The following TEX10 variants were observed in gnomAD, a reference collection of about 807,000 sequenced individuals.
TEX10 encodes testis expressed 10.
In TEX10, 24 loss-of-function variants were observed where a neutral mutation model predicts 104.4. The observed-to-expected ratio is 0.23, with a 90% CI of 0.17 to 0.32. The LOEUF (loss-of-function observed/expected upper bound fraction) is 0.32. Ranked by LOEUF, TEX10 falls within the 10% of genes least tolerant of loss-of-function variation. The pLI is 1.00. For missense variants in TEX10, 921 were observed against 1,083.9 expected (o/e 0.85, Z 2.11); for synonymous variants, 396 against 393.4 (o/e 1.01, Z -0.08).
Position 100,352,852 on chromosome 9 carries a change from C to T in TEX10, c.-90G>A, listed in dbSNP as rs1185452491. 1 of 1,010,560 alleles carries T rather than the reference C, an allele frequency of 9.9e-7. No individual in the cohort carries two copies. The highest frequency in any genetic ancestry group is 1.2e-6 in the Non-Finnish European group (1 of 847,838). 62.6% of individuals were successfully genotyped at this position (1,010,560 alleles called of 1,614,324 possible). On this transcript the variant is annotated 5_prime_UTR_variant, in exon 1 of 15. Transcript: ENST00000374902. ...GAAGCCCACGGGGCAACAGCGTGCG[C>T]CGCCGACCTCAGGCTCTAGCTCCCG...
At chr9:100,349,479 C>A in intron 1 of TEX10, 107 bp from the exon 2 acceptor site, 1 of 668,680 alleles carries the variant, frequency 1.5e-6, no homozygotes, top group Non-Finnish European at 2.2e-6. Flanking sequence ...CAATCGTAAT[C>A]AAGAATCTGA....
chr9:100,325,349 C>G (rs984135117), intron 9 of TEX10, among the ~76,000 whole-genome samples: 2 of 152,112 alleles, frequency 1.3e-5, no homozygotes, highest in Non-Finnish European at 2.9e-5. Context: ...AACATAAAAC[C>G]TTTCAGAGTT....
chr9:100,309,421 CTG>C (rs1834218172), intron 12 of TEX10, among the ~76,000 whole-genome samples: 1 of 152,112 alleles, frequency 6.6e-6, no homozygotes, highest in Admixed American at 6.5e-5. Context: ...CCTCCACAGG[CTG>C]TGTGAAAATA....
chr9:100,331,087 C>A (rs561391855), intron 5 of TEX10, among the ~76,000 whole-genome samples: 2 of 140,590 alleles, frequency 1.4e-5, no homozygotes, highest in South Asian at 2.5e-4. Context: ...TAAACTCTGT[C>A]TCTACTAAAT....
intron 1 of TEX10, among the ~76,000 whole-genome samples, chr9:100,351,062 G>T (rs921204586): frequency 1.3e-5 from 2 of 152,048 alleles, no homozygotes; most frequent in Non-Finnish European, 2.9e-5. Flanking sequence ...CTCAGGATCA[G>T]GACATACCAA....
At chr9:100,337,026 C>CAT (rs1835027851) in intron 5 of TEX10, among the ~76,000 whole-genome samples, 1 of 152,222 alleles carries the variant, frequency 6.6e-6, no homozygotes, top group African/African-American at 2.4e-5. Context: ...CACGCTGTCA[C>CAT]TTCCATCAGG....
At chr9:100,330,638 C>T (rs1448215491) in intron 5 of TEX10, among the ~76,000 whole-genome samples, 4 of 152,174 alleles carry the variant, frequency 2.6e-5, no homozygotes, top group Non-Finnish European at 5.9e-5. Flanking sequence ...CCGGTAAGCA[C>T]TGATTTGAAA....
intron 11 of TEX10, among the ~76,000 whole-genome samples, chr9:100,312,836 G>A (rs1242385545): frequency 6.6e-6 from 1 of 152,144 alleles, no homozygotes; most frequent in Non-Finnish European, 1.5e-5. Context: ...AGACCTATAA[G>A]TAAACACAGT....
intron 13 of TEX10, chr9:100,306,095 C>CA (rs1834136355): frequency 6.6e-6 from 1 of 152,022 alleles, no homozygotes; most frequent in Non-Finnish European, 1.5e-5. Context: ...AAAATAGAAA[C>CA]AAATCCAAAA....
chr9:100,324,950 T>C (rs916232847), intron 9 of TEX10, among the ~76,000 whole-genome samples: 1 of 152,216 alleles, frequency 6.6e-6, no homozygotes. Flanking sequence ...AACTAATCAA[T>C]ATTTAAAATT....
chr9:100,336,292 G>A (rs1039772344), intron 5 of TEX10, among the ~76,000 whole-genome samples: 23 of 152,174 alleles, frequency 1.5e-4, no homozygotes, highest in Non-Finnish European at 1.0e-4. Flanking sequence ...GCACCAGTCC[G>A]CGGCCTGTTA....
intron 10 of TEX10, among the ~76,000 whole-genome samples, chr9:100,321,359 A>T (rs1834567193): frequency 6.6e-6 from 1 of 152,218 alleles, no homozygotes; most frequent in African/African-American, 2.4e-5. Flanking sequence ...AAATATTCAA[A>T]TAATACATTT....
chr9:100,343,563 A>G (rs774836581), intron 4 of TEX10, among the ~76,000 whole-genome samples: 32 of 152,032 alleles, frequency 2.1e-4, no homozygotes, highest in Non-Finnish European at 4.3e-4. Context: ...CTTCTTTTCA[A>G]AGTAAGGATC....
At chr9:100,329,390 G>C (rs1281953385) in intron 6 of TEX10, 115 bp from the exon 7 acceptor site, 1 of 1,222,688 alleles carries the variant, frequency 8.2e-7, no homozygotes, top group Non-Finnish European at 1.1e-6. Flanking sequence ...GCCAATTTTA[G>C]CCACAAATAG....
intron 5 of TEX10, among the ~76,000 whole-genome samples, chr9:100,339,245 C>CAAAAAAAAA (rs1182764934): frequency 1.0e-4 from 3 of 29,410 alleles, no homozygotes; most frequent in African/African-American, 3.7e-4. Flanking sequence ...GACTCCATCT[C>CAAAAAAAAA]AAAAAAAAAA....
chr9:100,335,410 C>A (rs1834981838), intron 5 of TEX10, among the ~76,000 whole-genome samples: 1 of 151,988 alleles, frequency 6.6e-6, no homozygotes, highest in African/African-American at 2.4e-5. Context: ...ACCGTGTTAG[C>A]CAGGATGGTC....
At chr9:100,340,191 T>C (rs1315554706) in intron 5 of TEX10, 66 bp downstream of exon 5, 2 of 976,768 alleles carry the variant, frequency 2.0e-6, no homozygotes, top group Non-Finnish European at 1.5e-6. Context: ...TTAAGGTTAA[T>C]TACTTCCTGA....
chr9:100,339,879 G>T (rs1221826634), intron 5 of TEX10, among the ~76,000 whole-genome samples: 1 of 151,130 alleles, frequency 6.6e-6, no homozygotes, highest in Non-Finnish European at 1.5e-5. Context: ...TCAATACCAG[G>T]TTCCTCATGT....
Position 100,340,303 on chromosome 9 carries a change from CAT to C in TEX10, c.1202_1203del (p.Tyr401CysfsTer15). 1 of 1,574,032 alleles carries C rather than the reference CAT, an allele frequency of 6.4e-7. No homozygotes were observed. The highest frequency in any genetic ancestry group is 8.6e-7 in the Non-Finnish European group (1 of 1,165,678). ...FKHHFMSRFP[Y>X]VLKEITKHKR... is the part of the protein sequence containing the mutation. Reference sequence around the variant, plus strand: ...TTGTGCTTGGTTATTTCTTTTAAGACATATGGAAAACGACTCATAAAATGGTG... The same window carrying C: ...TTGTGCTTGGTTATTTCTTTTAAGACATGGAAAACGACTCATAAAATGGTG... On this transcript the variant is annotated frameshift_variant, in exon 5 of 15. Coordinates refer to ENST00000374902, the MANE Select transcript of TEX10 (RefSeq NM_017746.4). LOFTEE classifies it high-confidence loss of function.
Sources: allele counts gnomAD v4.1 joint callset (sites outside exome capture counted in the v4.1 genomes callset), GRCh38; gene constraint gnomAD v4.1.1; transcripts MANE v1.5; gene names NCBI Gene and HGNC (gene_info 2026-07-23, HGNC 2026-07-21).